The following ZNF442 variants were observed in gnomAD, a reference collection of about 807,000 sequenced individuals.
ZNF442 encodes zinc finger protein 442.
Under a neutral mutation model 57.0 loss-of-function variants are expected in ZNF442, and 45 were observed. That is an observed-to-expected ratio of 0.79 (90% confidence interval 0.62 to 1.01). ZNF442 has a LOEUF of 1.01. ZNF442 is among the 50% of genes least tolerant of loss of function. The probability of loss-of-function intolerance (pLI) is 0.00; values close to 1 mark genes in which losing one functional copy is unlikely to be tolerated. For synonymous variants in ZNF442, 213 were observed against 241.8 expected (o/e 0.88, Z 1.10); for missense variants, 690 against 756.5 (o/e 0.91, Z 1.03).
At chr19:12,366,614 G>A (rs895987695), upstream of ZNF442, among the ~76,000 whole-genome samples, 5 of 151,972 alleles carry the variant, frequency 3.3e-5, no homozygotes, top group Non-Finnish European at 5.9e-5. Flanking sequence ...ACACTGCCAT[G>A]CCTTATGCAC....
Position 12,351,277 on chromosome 19 carries a change from T to C in ZNF442, c.308A>G (p.Asp103Gly). The change falls in exon 6 of 6, where the codon GAT (aspartate) becomes GGT (glycine). Residue 103 changes from aspartate (D) to glycine (G), a missense_variant. Physicochemically the swap from Asp to Gly is moderately conservative, Grantham distance 94. Coordinates refer to ENST00000242804, the MANE Select transcript of ZNF442 (RefSeq NM_030824.3). ...IERFSESRQPDSTVNEKPPGV... is the reference protein window; with the variant it reads ...IERFSESRQPGSTVNEKPPGV... ...AGGAGGTTTTTCATTCACAGTACTA[T>C]CTGGCTGGCGACTTTCACTAAATCT... The C allele has an allele frequency of 6.2e-7, 1 of 1,614,022 alleles. No individual in the cohort carries two copies. Among genetic ancestry groups the C allele is most frequent in the Admixed American group, 1.7e-5 (1 of 60,010 alleles).
rs1381076230 is a variant in ZNF442, at chr19:12,348,866, T to G, written c.*835A>C. On this transcript the variant is annotated 3_prime_UTR_variant, in exon 6 of 6. Coordinates refer to ENST00000242804, the MANE Select transcript of ZNF442 (RefSeq NM_030824.3). ...TAACACACGATTCCAGGTCATTAAATAAAAGCAATCTATGATTGTTGAAAA... is the reference window on the plus strand; with the variant it reads ...TAACACACGATTCCAGGTCATTAAAGAAAAGCAATCTATGATTGTTGAAAA... 6.6e-6 allele frequency: 1 copy of G among 151,640 alleles called. No individual in the cohort carries two copies. The highest frequency in any genetic ancestry group is 1.5e-5 in the Non-Finnish European group (1 of 67,920). The allele number at this position is 151,640 out of a possible 1,614,324, so 9.4% of individuals were successfully genotyped here. A position where few individuals can be genotyped will look rare whatever the true frequency, so the allele number is the denominator to read the frequency against.
rs777635780 is a variant in ZNF442 at position 12,350,415 on chromosome 19, T to C, written c.1170A>G (p.Ser390=). The change falls in exon 6 of 6, where the codon TCA becomes TCG. Residue 390 remains serine (S), a synonymous_variant. Coordinates refer to ENST00000242804, the MANE Select transcript of ZNF442 (RefSeq NM_030824.3). The stretch of plus-strand genomic sequence containing the variant: ...GCATTATCATATGACTTCGAAAGCT[T>C]GAGTGATGAGATAACGCTTTCCCAC... ...KQCGKALSHH[S]SFRSHMIMHT... is the part of the protein sequence containing the mutation. 6.2e-7 allele frequency: 1 copy of C among 1,613,766 alleles called. No individual in the cohort carries two copies. The highest frequency in any genetic ancestry group is 8.5e-7 in the Non-Finnish European group (1 of 1,179,928).
the ZNF442 span, among the ~76,000 whole-genome samples, chr19:12,372,324 T>C: frequency 2.6e-5 from 4 of 152,100 alleles, no homozygotes; most frequent in African/African-American, 9.6e-5. Context: ...CCAGACATGG[T>C]GGCGGGCGCC....
intron 4 of ZNF442, among the ~76,000 whole-genome samples, chr19:12,352,606 G>A (rs1309434715): frequency 2.6e-5 from 4 of 152,152 alleles, no homozygotes; most frequent in Non-Finnish European, 5.9e-5. Flanking sequence ...AGAAGACAAT[G>A]AGGATGAAAA....
upstream of ZNF442, chr19:12,365,812 T>G (rs985183287): frequency 1.2e-5 from 2 of 161,806 alleles, no homozygotes; most frequent in Non-Finnish European, 2.7e-5. Context: ...CACGGCTGAG[T>G]GGAGCGAGAT....
chr19:12,365,548 G>A lies in ZNF442; in HGVS notation c.-498C>T, dbSNP rs1969518189. On this transcript the variant is annotated 5_prime_UTR_variant, in exon 1 of 6. Coordinates refer to ENST00000242804, the MANE Select transcript of ZNF442 (RefSeq NM_030824.3). ...GCACACTCACCATTTCCCGGCTTCCGCGGTGTCCCGTGTTCTCCCCAAGGT... is the reference window on the plus strand; with the variant it reads ...GCACACTCACCATTTCCCGGCTTCCACGGTGTCCCGTGTTCTCCCCAAGGT... 2.4e-5 allele frequency: 13 copies of A among 544,088 alleles called. No homozygotes were observed. The highest frequency in any genetic ancestry group is 2.3e-4 in the South Asian group (12 of 53,090). The allele number at this position is 544,088 out of a possible 1,614,324, so 33.7% of individuals were successfully genotyped here.
chr19:12,351,700 T>G, intron 5 of ZNF442: 3 of 322,478 alleles, frequency 9.3e-6, no homozygotes, highest in Non-Finnish European at 1.7e-5. Context: ...GAAACGGGGT[T>G]TCACCATGTT....
At chr19:12,369,364 A>T (rs777085896), upstream of ZNF442, among the ~76,000 whole-genome samples, 1 of 152,216 alleles carries the variant, frequency 6.6e-6, no homozygotes, top group Non-Finnish European at 1.5e-5. Context: ...CACGCCTGTA[A>T]TCCCAGCACT....
intron 3 of ZNF442, among the ~76,000 whole-genome samples, chr19:12,363,096 T>A (rs1277763937): frequency 2.7e-5 from 4 of 147,466 alleles, no homozygotes; most frequent in African/African-American, 1.0e-4. Context: ...AAGGCAGAGG[T>A]TGCAGTAAGC....
intron 3 of ZNF442, among the ~76,000 whole-genome samples, chr19:12,357,963 C>CTTT (rs796855751): frequency 1.5e-5 from 2 of 135,934 alleles, no homozygotes; most frequent in Non-Finnish European, 3.2e-5. Context: ...ATTTGCCCAC[C>CTTT]TTTTTTTTTT....
rs1969269490 is a variant in ZNF442, at chr19:12,353,001, G to T, written c.192C>A (p.Asn64Lys). Residue 64 changes from asparagine to lysine, a missense_variant, in exon 4 of 6, where the codon AAC becomes AAA. Transcript: ENST00000242804. Reference sequence around the variant, plus strand: ...TGTCATTTTTACCTATACAGTCCAGGTTCCTAATGGTTTCCCACATCACAT... The same window carrying T: ...TGTCATTTTTACCTATACAGTCCAGTTTCCTAATGGTTTCCCACATCACAT... Reference protein sequence around the residue: ...YRDVMWETIRNLDCIGMKWED... With the variant: ...YRDVMWETIRKLDCIGMKWED... 2 of 1,608,140 alleles carry T rather than the reference G, an allele frequency of 1.2e-6. No homozygotes were observed. The highest frequency in any genetic ancestry group is 1.1e-5 in the South Asian group (1 of 89,784).
rs553519776 is a variant in ZNF442, at chr19:12,349,584, T to C, written c.*117A>G. 147 of 1,066,952 alleles carry C rather than the reference T, an allele frequency of 1.4e-4. No individual in the cohort carries two copies. Among genetic ancestry groups the C allele is most frequent in the Non-Finnish European group, 1.9e-4 (141 of 754,980 alleles). 66.1% of individuals were successfully genotyped at this position (1,066,952 alleles called of 1,614,324 possible). ...CCTGCATATGGTTAGGGGATAACCA[T>C]ATTCAAAAGAAACATCTTAAGGCTT... is the stretch of plus-strand genomic sequence containing the variant. On this transcript the variant is annotated 3_prime_UTR_variant, in exon 6 of 6. Coordinates refer to ENST00000242804, the MANE Select transcript of ZNF442 (RefSeq NM_030824.3).
At position 12,348,685 on chromosome 19, in the gene ZNF442, G is replaced by A. The variant is rs1334139598; in HGVS notation, c.*1016C>T. 1 of 152,080 alleles carries A rather than the reference G, an allele frequency of 6.6e-6. No individual in the cohort carries two copies. Among genetic ancestry groups the A allele is most frequent in the African/African-American group, 2.4e-5 (1 of 41,392 alleles). 9.4% of individuals were successfully genotyped at this position (152,080 alleles called of 1,614,324 possible). On this transcript the variant is annotated 3_prime_UTR_variant, in exon 6 of 6. Coordinates refer to ENST00000242804, the MANE Select transcript of ZNF442 (RefSeq NM_030824.3). ...CCTGACATCCTGTCAAGATTCAAGT[G>A]AGCCTGATGTCTCACTGTTTATCTA...
intron 3 of ZNF442, among the ~76,000 whole-genome samples, chr19:12,358,370 T>C (rs1356614329): frequency 6.6e-6 from 1 of 152,212 alleles, no homozygotes; most frequent in African/African-American, 2.4e-5. Context: ...ACAAAGGACA[T>C]GATTTCATTC....
upstream of ZNF442, among the ~76,000 whole-genome samples, chr19:12,369,009 A>G (rs778572908): frequency 2.0e-5 from 3 of 152,212 alleles, no homozygotes; most frequent in African/African-American, 4.8e-5. Context: ...TTAGAATTTG[A>G]AAATATAAAG....
At chr19:12,372,983 A>C in the ZNF442 span, among the ~76,000 whole-genome samples, 4 of 152,202 alleles carry the variant, frequency 2.6e-5, no homozygotes, top group Admixed American at 1.3e-4. Context: ...CATGTTGGCC[A>C]GGATGGTCTT....
At chr19:12,373,049 G>A in the ZNF442 span, among the ~76,000 whole-genome samples, 1 of 152,160 alleles carries the variant, frequency 6.6e-6, no homozygotes, top group Non-Finnish European at 1.5e-5. Context: ...TGGGATTACA[G>A]GTGTCAGCCA....
Position 12,352,000 on chromosome 19 carries a change from T to A in ZNF442, c.266+10A>T. The stretch of plus-strand genomic sequence containing the variant: ...CAGATATATGTCTTTCTCTTGTGAG[T>A]GCAAATTACCTTAGGCTCCTCCTGG... On this transcript the variant is annotated intron_variant, in intron 5 of 5. Transcript: ENST00000242804. 1 of 1,612,314 alleles carries A rather than the reference T, an allele frequency of 6.2e-7. No homozygotes were observed. Among genetic ancestry groups the A allele is most frequent in the Non-Finnish European group, 8.5e-7 (1 of 1,179,104 alleles).
Sources: gnomAD v4.1 joint callset for allele counts (sites outside exome capture counted in the v4.1 genomes callset) on GRCh38, gnomAD v4.1.1 for gene constraint, MANE v1.5 for transcripts, NCBI Gene and HGNC (gene_info 2026-07-23, HGNC 2026-07-21) for gene names.